The following NUP155 variants were observed in gnomAD, a reference collection of about 807,000 sequenced individuals.
The protein encoded by NUP155 is nuclear pore complex protein Nup155.
NUP155 carries 71 observed loss-of-function variants against 180.4 expected under a neutral mutation model. The ratio of observed to expected loss-of-function variants is 0.39; its 90% CI spans 0.33 to 0.48. The LOEUF is 0.48. Among genes scored for constraint, NUP155 ranks in the 20% least tolerant of loss-of-function variants. The pLI, the probability that NUP155 is intolerant of heterozygous loss-of-function variation, is 0.91. For missense variants in NUP155, 1,553 were observed against 1,648.9 expected (o/e 0.94, Z 1.01); for synonymous variants, 582 against 559.5 (o/e 1.04, Z -0.57).
At chr5:37,359,140 T>C (rs1470492152) in intron 3 of NUP155, among the ~76,000 whole-genome samples, 1 of 148,618 alleles carries the variant, frequency 6.7e-6, no homozygotes. Context: ...TTATGAAAAA[T>C]TTATATATAT....
rs550009226 is a variant in NUP155, at chr5:37,302,903, T to C, written c.3323A>G (p.Glu1108Gly). The change falls in exon 29 of 35, where the codon GAA (glutamate) becomes GGA (glycine). Residue 1108 changes from glutamate (E) to glycine (G), a missense_variant. Transcript: ENST00000231498. ...LSRLADMHST[E>G]ISLQQRLEYI... ...CTCTAGTCGCTGCTGAAGTGAAATT[T>C]CTGTGCTAGAAGGGAAAACGCTTAT... is the stretch of plus-strand genomic sequence containing the variant. 3.1e-6 allele frequency: 5 copies of C among 1,614,108 alleles called. No individual in the cohort carries two copies. The highest frequency in any genetic ancestry group is 4.2e-6 in the Non-Finnish European group (5 of 1,179,990).
intron 24 of NUP155, among the ~76,000 whole-genome samples, 158 bp from the exon 25 acceptor site, chr5:37,307,590 A>G (rs1210669497): frequency 2.0e-5 from 3 of 152,174 alleles, no homozygotes; most frequent in Admixed American, 2.0e-4. Context: ...TCAGAAGGAA[A>G]AGGTCTTAAT....
At chr5:37,347,922 G>A (rs183173308) in intron 9 of NUP155, among the ~76,000 whole-genome samples, 2 of 152,046 alleles carry the variant, frequency 1.3e-5, no homozygotes, top group African/African-American at 4.8e-5. Flanking sequence ...GGATCACGAG[G>A]TCAAGAGATC....
chr5:37,334,129 T>C (rs6887309), intron 12 of NUP155, among the ~76,000 whole-genome samples: 9,433 of 151,020 alleles, frequency 0.062, 951 homozygotes, highest in African/African-American at 0.21. Context: ...TGAGACAGCA[T>C]CTTACTCTGT....
At chr5:37,324,198 T>A in intron 19 of NUP155, 91 bp from the exon 20 acceptor site, 2 of 788,410 alleles carry the variant, frequency 2.5e-6, no homozygotes, top group Non-Finnish European at 4.4e-6. Flanking sequence ...TGAGTATCTC[T>A]ATAGTTATTT....
chr5:37,347,064 T>A (rs557781672), intron 9 of NUP155, among the ~76,000 whole-genome samples: 45 of 151,840 alleles, frequency 3.0e-4, no homozygotes, highest in African/African-American at 7.7e-4. Context: ...CCTGTCTCTA[T>A]AAAAAATAGA....
rs576417839 is a variant in NUP155, at chr5:37,318,643, C to T, written c.2208-558G>A. On this transcript the variant is annotated intron_variant, in intron 20 of 34. Transcript: ENST00000231498. ...GCAAATATTTAAAAATCAAAAAAAA[C>T]GTGAAAGCCAAAACACTTCTGGTTC... 3.3e-5 allele frequency among the ~76,000 whole-genome samples: 5 copies of T among 152,030 alleles called. No individual in the cohort carries two copies. In the South Asian group the frequency reaches 6.2e-4, roughly 19 times the overall value.
At chr5:37,318,275 C>T (rs1482543187) in intron 20 of NUP155, among the ~76,000 whole-genome samples, 190 bp from the exon 21 acceptor site, 1 of 151,434 alleles carries the variant, frequency 6.6e-6, no homozygotes, top group African/African-American at 2.4e-5. Flanking sequence ...CTTAAAATGA[C>T]TGAGATTAAA....
chr5:37,303,910 G>A (rs1409392169), intron 27 of NUP155, among the ~76,000 whole-genome samples: 2 of 151,976 alleles, frequency 1.3e-5, no homozygotes, highest in African/African-American at 4.8e-5. Flanking sequence ...CCATTGCACT[G>A]CACTTCAGCC....
intron 9 of NUP155, among the ~76,000 whole-genome samples, chr5:37,347,603 G>A (rs1561804078): frequency 2.6e-5 from 4 of 151,652 alleles, no homozygotes; most frequent in African/African-American, 7.3e-5. Flanking sequence ...GGCTACGGCA[G>A]GAGAATCACT....
In NUP155 at chr5:37,289,132, C is replaced by G. The variant is rs925338259; in HGVS notation, c.*2768G>C. On this transcript the variant is annotated 3_prime_UTR_variant, in exon 35 of 35. Coordinates refer to ENST00000231498, the MANE Select transcript of NUP155 (RefSeq NM_153485.3). The stretch of plus-strand genomic sequence containing the variant: ...TGCACTCCAGCCTGGGCAACAAGAG[C>G]AAAACTCAGTCTCAAACAAACAAAC... The G allele has an allele frequency of 6.3e-6, 1 of 159,108 alleles. No homozygotes were observed. The highest frequency in any genetic ancestry group is 1.4e-5 in the Non-Finnish European group (1 of 73,748). 9.9% of individuals were successfully genotyped at this position (159,108 alleles called of 1,614,324 possible).
chr5:37,308,999 A>AC, intron 24 of NUP155, 130 bp downstream of exon 24: 2 of 852,800 alleles, frequency 2.3e-6, no homozygotes, highest in Non-Finnish European at 3.8e-6. Context: ...ACGTCCTTTC[A>AC]CTCGGCCTCT....
intron 20 of NUP155, among the ~76,000 whole-genome samples, chr5:37,322,999 T>C (rs572907123): frequency 2.0e-5 from 3 of 151,650 alleles, no homozygotes; most frequent in East Asian, 3.9e-4. Context: ...ATGTCCACTC[T>C]TGGTCGGGCA....
At chr5:37,365,583 CTA>C (rs1161541152) in intron 1 of NUP155, among the ~76,000 whole-genome samples, 1 of 151,222 alleles carries the variant, frequency 6.6e-6, no homozygotes, top group Non-Finnish European at 1.5e-5. Flanking sequence ...TAGCAAGCAC[CTA>C]TAATCCCAGC....
intron 30 of NUP155, 46 bp downstream of exon 30, chr5:37,301,391 C>A: frequency 7.7e-7 from 1 of 1,300,218 alleles, no homozygotes. Context: ...AAAAATTTCT[C>A]ATTATTAGGT....
chr5:37,298,787 G>A (rs997012366), intron 32 of NUP155, 81 bp downstream of exon 32: 10 of 796,262 alleles, frequency 1.3e-5, no homozygotes, highest in Non-Finnish European at 2.0e-5. Flanking sequence ...TATTTTACTC[G>A]AAAGATCGTT....
At chr5:37,329,424 T>C (rs1744815948) in intron 15 of NUP155, 146 bp from the exon 16 acceptor site, 5 of 673,424 alleles carry the variant, frequency 7.4e-6, no homozygotes, top group Non-Finnish European at 1.3e-5. Flanking sequence ...GTAAAGTATA[T>C]GCATAAGACT....
chr5:37,302,554 C>T (rs1742922136), intron 29 of NUP155, among the ~76,000 whole-genome samples: 1 of 152,150 alleles, frequency 6.6e-6, no homozygotes, highest in Admixed American at 6.6e-5. Flanking sequence ...TTTCGAAGTG[C>T]CAAAGAGAAA....
intron 17 of NUP155, 82 bp from the exon 18 acceptor site, chr5:37,327,858 TA>T: frequency 1.4e-6 from 2 of 1,465,706 alleles, no homozygotes; most frequent in Non-Finnish European, 1.9e-6. Context: ...TTAGAACCCA[TA>T]AATCTCTTAA....
Sources: gnomAD v4.1 joint callset for allele counts (sites outside exome capture counted in the v4.1 genomes callset) on GRCh38, gnomAD v4.1.1 for gene constraint, MANE v1.5 for transcripts, NCBI Gene and HGNC (gene_info 2026-07-23, HGNC 2026-07-21) for gene names.